CTTNBP2: variants seen among roughly 807,000 people sequenced by gnomAD.
CTTNBP2 encodes the protein cortactin-binding protein 2.
CTTNBP2 carries 108 observed loss-of-function variants against 156.9 expected under a neutral mutation model. That is an observed-to-expected ratio of 0.69 (90% CI 0.59 to 0.81). The LOEUF (loss-of-function observed/expected upper bound fraction) is 0.81, where lower values mean the gene tolerates loss of function less well. Ranked by LOEUF, CTTNBP2 falls within the 30% of genes least tolerant of loss-of-function variation. The pLI is 0.00. For synonymous variants in CTTNBP2, 767 were observed against 751.8 expected (o/e 1.02, Z -0.33); for missense variants, 1,924 against 2,035.4 (o/e 0.95, Z 1.05).
rs971176613 is a variant in CTTNBP2 at position 117,807,284 on chromosome 7, A to G, written c.414+3481T>C. 2.0e-5 allele frequency among the ~76,000 whole-genome samples: 3 copies of G among 152,342 alleles called. No homozygotes were observed. The East Asian group carries it at 5.8e-4, about 29-fold the overall frequency. ...AATCCTCTCCTGACAATTTTATTAC[A>G]TATGATTCTCTACCATGGTATTACT... On this transcript the variant is annotated intron_variant, in intron 3 of 22. Transcript: ENST00000160373.
chr7:117,724,396 A>G (rs1277936748), intron 19 of CTTNBP2, 151 bp downstream of exon 19: 1 of 658,998 alleles, frequency 1.5e-6, no homozygotes. Flanking sequence ...TGTACCTACT[A>G]TATAGTTTAT....
chr7:117,776,086 C>G (rs529370518), intron 8 of CTTNBP2, among the ~76,000 whole-genome samples: 1 of 152,300 alleles, frequency 6.6e-6, no homozygotes, highest in African/African-American at 2.4e-5. Flanking sequence ...ATGAACAAAT[C>G]GTAGCCCTTA....
intron 8 of CTTNBP2, among the ~76,000 whole-genome samples, chr7:117,769,321 A>G (rs1797685842): frequency 6.6e-6 from 1 of 152,244 alleles, no homozygotes; most frequent in Admixed American, 6.5e-5. Flanking sequence ...CAGTGCTGCT[A>G]TGAAGGTAAA....
At chr7:117,766,730 T>C (rs1419044471) in intron 9 of CTTNBP2, among the ~76,000 whole-genome samples, 2 of 152,192 alleles carry the variant, frequency 1.3e-5, no homozygotes, top group Non-Finnish European at 2.9e-5. Context: ...GCAGAGTACA[T>C]AGCTGGGATT....
intron 1 of CTTNBP2, among the ~76,000 whole-genome samples, chr7:117,870,338 A>C (rs1804496178): frequency 2.0e-5 from 3 of 152,236 alleles, no homozygotes; most frequent in African/African-American, 7.2e-5. Context: ...CTGCCACGTA[A>C]CTATAATTTA....
chr7:117,764,492 C>T (rs1225744753), intron 9 of CTTNBP2, among the ~76,000 whole-genome samples: 1 of 152,140 alleles, frequency 6.6e-6, no homozygotes, highest in Non-Finnish European at 1.5e-5. Context: ...TCTTACCTCC[C>T]CTATGCATAT....
chr7:117,861,139 A>C (rs1317470268), intron 2 of CTTNBP2, 70 bp downstream of exon 2: 3 of 846,984 alleles, frequency 3.5e-6, no homozygotes, highest in African/African-American at 1.7e-5. Flanking sequence ...AAGAAAAAGA[A>C]GGTTTGCCAA....
In CTTNBP2 at chr7:117,791,363, C is replaced by A. The variant is rs1457071936; in HGVS notation, c.1833G>T (p.Leu611=). The A allele has an allele frequency of 6.2e-7, 1 of 1,614,124 alleles. No homozygotes were observed. Among genetic ancestry groups the A allele is most frequent in the Non-Finnish European group, 8.5e-7 (1 of 1,180,028 alleles). Residue 611 remains leucine (L), a synonymous_variant, in exon 4 of 23, where the codon CTG becomes CTT. Coordinates refer to ENST00000160373, the MANE Select transcript of CTTNBP2 (RefSeq NM_033427.3). ...TTAAATCTATGGATGGTTTTGGTGGCAGCTGAGGGGAGGATGACTTAGGAA... is the reference window on the plus strand; with the variant it reads ...TTAAATCTATGGATGGTTTTGGTGGAAGCTGAGGGGAGGATGACTTAGGAA... The part of the protein sequence containing the change: ...ENLPKSSSPQ[L]PPKPSIDLTV...
At chr7:117,740,258 T>A (rs1795922230) in intron 14 of CTTNBP2, among the ~76,000 whole-genome samples, 1 of 129,206 alleles carries the variant, frequency 7.7e-6, no homozygotes, top group Non-Finnish European at 1.6e-5. Flanking sequence ...ACCATTTTAA[T>A]CTCCATTTAA....
intron 6 of CTTNBP2, 59 bp from the exon 7 acceptor site, chr7:117,780,650 C>T (rs1013263528): frequency 5.7e-6 from 6 of 1,058,034 alleles, no homozygotes; most frequent in African/African-American, 1.6e-5. Flanking sequence ...GAAGCACCAC[C>T]TAACCAAGAT....
chr7:117,863,673 C>T (rs1803919728), intron 1 of CTTNBP2, among the ~76,000 whole-genome samples: 1 of 152,198 alleles, frequency 6.6e-6, no homozygotes, highest in Non-Finnish European at 1.5e-5. Flanking sequence ...AATGGAATTC[C>T]TAACGTCTAC....
rs1206048259 is a variant in CTTNBP2, at chr7:117,711,627, A to ACTG, written c.4899_4901dup (p.Ser1634dup). 9.9e-6 allele frequency: 16 copies of ACTG among 1,613,974 alleles called. No homozygotes were observed. Among genetic ancestry groups the ACTG allele is most frequent in the Non-Finnish European group, 1.4e-5 (16 of 1,179,938 alleles). ...TGTTGATTTCTATTTGCCTTGTATT[A>ACTG]CTGCTGCTGCTGCTTCTTTTGGTGT... On this transcript the variant is annotated inframe_insertion, in exon 23 of 23. Transcript: ENST00000160373.
rs71529472 is a variant in CTTNBP2, at chr7:117,819,367, TCACACACACACACACACACA to T, written c.190-8398_190-8379del. On this transcript the variant is annotated intron_variant, in intron 2 of 22. Coordinates refer to ENST00000160373, the MANE Select transcript of CTTNBP2 (RefSeq NM_033427.3). ...TTTCTCTTTTCTCCTTCTCTCTCTC[TCACACACACACACACACACA>T]CACACACACACACACACACACACAC... Among the ~76,000 whole-genome samples, 100 of 130,702 alleles carry T rather than the reference TCACACACACACACACACACA, an allele frequency of 7.7e-4. 2 individuals carry two copies. Among genetic ancestry groups the T allele is most frequent in the African/African-American group, 2.6e-3 (97 of 37,422 alleles). 85.7% of individuals were successfully genotyped at this position (130,702 alleles called of 152,430 possible).
chr7:117,833,238 A>T lies in CTTNBP2; in HGVS notation c.190-22249T>A, dbSNP rs182270835. The stretch of plus-strand genomic sequence containing the variant: ...TCCCCTGCCTCATTCGTTCCTTCCC[A>T]TGGAAACCACAATGAAGGTGCTGGG... On this transcript the variant is annotated intron_variant, in intron 2 of 22. Coordinates refer to ENST00000160373, the MANE Select transcript of CTTNBP2 (RefSeq NM_033427.3). Among the ~76,000 whole-genome samples, 115 of 152,162 alleles carry T rather than the reference A, an allele frequency of 7.6e-4. 1 individual carries two copies. Among genetic ancestry groups the T allele is most frequent in the African/African-American group, 2.6e-3 (109 of 41,520 alleles).
chr7:117,716,235 T>TA (rs1195431156), intron 22 of CTTNBP2, among the ~76,000 whole-genome samples: 1 of 137,758 alleles, frequency 7.3e-6, no homozygotes, highest in Non-Finnish European at 1.6e-5. Flanking sequence ...TCAGTACTAC[T>TA]TTTTTTTTGT....
chr7:117,773,692 CACACACACACA>C (rs1562992405), intron 8 of CTTNBP2, among the ~76,000 whole-genome samples: 1,848 of 148,442 alleles, frequency 0.012, 34 homozygotes, highest in Middle Eastern at 0.027. Context: ...CACACACACA[CACACACACACA>C]CACACCCCAA....
rs1019290955 is a variant in CTTNBP2 at position 117,715,311 on chromosome 7, G to A, written c.4746+2707C>T. 3.3e-5 allele frequency among the ~76,000 whole-genome samples: 5 copies of A among 152,158 alleles called. No individual in the cohort carries two copies. The South Asian group carries it at 8.3e-4, about 25-fold the overall frequency. ...ATGAAGGCATCTCAATCCCTCTAAA[G>A]ATATATTTGGAAAGAAAGAAATGGG... On this transcript the variant is annotated intron_variant, in intron 22 of 22. Coordinates refer to ENST00000160373, the MANE Select transcript of CTTNBP2 (RefSeq NM_033427.3).
At chr7:117,801,707 T>A (rs915427155) in intron 3 of CTTNBP2, among the ~76,000 whole-genome samples, 1 of 152,074 alleles carries the variant, frequency 6.6e-6, no homozygotes, top group Non-Finnish European at 1.5e-5. Context: ...TTTCTAATGG[T>A]TTGGAAAAAA....
At chr7:117,762,124 G>A (rs1797248418) in intron 9 of CTTNBP2, among the ~76,000 whole-genome samples, 1 of 151,898 alleles carries the variant, frequency 6.6e-6, no homozygotes, top group East Asian at 1.9e-4. Context: ...AGTGTGTTTT[G>A]GGGCTCCTTT....
Sources: allele counts gnomAD v4.1 joint callset (sites outside exome capture counted in the v4.1 genomes callset), GRCh38; gene constraint gnomAD v4.1.1; transcripts MANE v1.5; gene names NCBI Gene and HGNC (gene_info 2026-07-23, HGNC 2026-07-21).